ACOT1: variants seen among roughly 807,000 people sequenced by gnomAD.
ACOT1 encodes the protein acyl-coenzyme A thioesterase 1.
In ACOT1, 8 loss-of-function variants were observed where a neutral mutation model predicts 15.7. The ratio of observed to expected loss-of-function variants is 0.51; its 90% confidence interval spans 0.30 to 0.92. ACOT1 has a LOEUF of 0.92. Among genes scored for constraint, ACOT1 ranks in the 40% least tolerant of loss-of-function variants. ACOT1 has a pLI of 0.06. For missense variants in ACOT1, 151 were observed against 539.4 expected, an observed-to-expected ratio of 0.28 and a Z score of 7.13; for synonymous variants, 67 against 241.2, an observed-to-expected ratio of 0.28 and a Z score of 6.69.
At chr14:73,513,707 A>C in the ACOT1 span, among the ~76,000 whole-genome samples, 1 of 145,322 alleles carries the variant, frequency 6.9e-6, no homozygotes, top group Non-Finnish European at 1.5e-5. Flanking sequence ...AGCCAAGGCA[A>C]CAAGAGCGAA....
At chr14:73,520,987 T>G in the ACOT1 span, 6 of 1,613,836 alleles carry the variant, frequency 3.7e-6, no homozygotes, top group Non-Finnish European at 5.1e-6. Flanking sequence ...TCAGTGCTCT[T>G]GTTGCCAGGC....
chr14:73,495,157 C>T, the ACOT1 span: 7 of 1,433,472 alleles, frequency 4.9e-6, no homozygotes, highest in East Asian at 1.4e-4. Context: ...TACTAAGTCC[C>T]AAAACATCCA....
the ACOT1 span, among the ~76,000 whole-genome samples, chr14:73,504,394 C>T: frequency 6.6e-6 from 1 of 152,104 alleles, no homozygotes; most frequent in Non-Finnish European, 1.5e-5. Context: ...AGGTGCCTGC[C>T]ACCACACCCG....
the ACOT1 span, chr14:73,491,337 A>G: frequency 6.9e-7 from 1 of 1,453,218 alleles, no homozygotes; most frequent in Non-Finnish European, 9.1e-7. Flanking sequence ...GAGCTGCTGG[A>G]GGCCTCGCCC....
chr14:73,502,163 G>A, the ACOT1 span, among the ~76,000 whole-genome samples: 1 of 151,696 alleles, frequency 6.6e-6, no homozygotes, highest in African/African-American at 2.4e-5. Context: ...CAAAGTATTG[G>A]GATTACAGGC....
chr14:73,537,552 C>T lies in ACOT1; in HGVS notation c.131C>T (p.Ala44Val). ...LRASLRDEKG[A>V]LFQAHARYRA... Reference sequence around the variant, plus strand: ...GCGTCCCTGCGCGACGAGAAGGGCGCGCTTTTCCAGGCCCACGCGCGCTAC... The same window carrying T: ...GCGTCCCTGCGCGACGAGAAGGGCGTGCTTTTCCAGGCCCACGCGCGCTAC... The change falls in exon 1 of 3, where the codon GCG becomes GTG. Residue 44 changes from alanine to valine, a missense_variant. Transcript: ENST00000311148. The T allele has an allele frequency of 2.5e-6, 3 of 1,213,610 alleles. 1 individual carries two copies. Among genetic ancestry groups the T allele is most frequent in the Middle Eastern group, 5.9e-4 (2 of 3,380 alleles). The allele number at this position is 1,213,610 out of a possible 1,614,324, so 75.2% of individuals were successfully genotyped here.
upstream of ACOT1, among the ~76,000 whole-genome samples, chr14:73,534,968 T>G (rs2140308410): frequency 1.8e-5 from 2 of 113,334 alleles, 1 homozygote; most frequent in South Asian, 5.6e-4. Context: ...GTTTGACTAG[T>G]CTTTTTAAAA....
chr14:73,501,903 G>A, the ACOT1 span, among the ~76,000 whole-genome samples: 2 of 151,768 alleles, frequency 1.3e-5, no homozygotes, highest in Non-Finnish European at 2.9e-5. Context: ...ACAGGCGCCC[G>A]CCACCACGCC....
At chr14:73,511,310 C>T in the ACOT1 span, among the ~76,000 whole-genome samples, 2 of 151,616 alleles carry the variant, frequency 1.3e-5, no homozygotes, top group Non-Finnish European at 2.9e-5. Context: ...GTCAGGAGTT[C>T]AAGACCAGCC....
the ACOT1 span, chr14:73,506,540 A>G: frequency 6.2e-7 from 1 of 1,613,768 alleles, no homozygotes; most frequent in Non-Finnish European, 8.5e-7. Context: ...ACAGCTGTTC[A>G]GCTCCACAGC....
upstream of ACOT1, among the ~76,000 whole-genome samples, chr14:73,536,412 G>T (rs1180749304): frequency 1.1e-3 from 117 of 108,912 alleles, 25 homozygotes; most frequent in African/African-American, 3.2e-3. Context: ...AGAGGCTGAG[G>T]CAGGAAGATG....
At chr14:73,513,988 C>T in the ACOT1 span, 1 of 1,574,670 alleles carries the variant, frequency 6.4e-7, no homozygotes, top group Non-Finnish European at 8.7e-7. Context: ...ATGAGAACCA[C>T]TTCTCACAAA....
At chr14:73,504,787 T>C in the ACOT1 span, among the ~76,000 whole-genome samples, 4 of 152,142 alleles carry the variant, frequency 2.6e-5, no homozygotes, top group South Asian at 6.2e-4. Context: ...TCCAAAGTTA[T>C]AAGGAAAAGA....
chr14:73,511,160 G>A, the ACOT1 span, among the ~76,000 whole-genome samples: 1 of 152,126 alleles, frequency 6.6e-6, no homozygotes, highest in Non-Finnish European at 1.5e-5. Context: ...TAGGTAATTT[G>A]AAGCTCAGAG....
At chr14:73,491,360 C>G in the ACOT1 span, 3 of 1,381,574 alleles carry the variant, frequency 2.2e-6, no homozygotes, top group Non-Finnish European at 2.8e-6. Flanking sequence ...CGCGCGCTCC[C>G]TGCAGACCCC....
At chr14:73,520,992 C>T in the ACOT1 span, 5 of 1,613,640 alleles carry the variant, frequency 3.1e-6, no homozygotes, top group Non-Finnish European at 4.2e-6. Context: ...GCTCTTGTTG[C>T]CAGGCATGAT....
chr14:73,505,689 G>A, the ACOT1 span, among the ~76,000 whole-genome samples: 8 of 151,816 alleles, frequency 5.3e-5, no homozygotes, highest in Non-Finnish European at 8.8e-5. Flanking sequence ...CACCGTGCCC[G>A]GCCGGGACTA....
chr14:73,491,871 C>T, the ACOT1 span: 4 of 1,611,140 alleles, frequency 2.5e-6, no homozygotes, highest in Admixed American at 1.7e-5. Flanking sequence ...CTGCCCGCCG[C>T]CGCGTGGTCC....
At chr14:73,523,026 C>G in the ACOT1 span, 1 of 1,614,094 alleles carries the variant, frequency 6.2e-7, no homozygotes, top group Non-Finnish European at 8.5e-7. Context: ...ACACTGGAGA[C>G]AGAGGCACAC....
Sources: gnomAD v4.1 joint callset for allele counts (sites outside exome capture counted in the v4.1 genomes callset) on GRCh38, gnomAD v4.1.1 for gene constraint, MANE v1.5 for transcripts, NCBI Gene and HGNC (gene_info 2026-07-23, HGNC 2026-07-21) for gene names.